The following TLCD4 variants were observed in gnomAD, a reference collection of about 807,000 sequenced individuals.
TLCD4 encodes the protein TLC domain containing 4.
In TLCD4, 7 loss-of-function variants were observed where a neutral mutation model predicts 24.2. That is an observed-to-expected ratio of 0.29 (90% confidence interval 0.16 to 0.54). The LOEUF is 0.54. Among genes scored for constraint, TLCD4 ranks in the 20% least tolerant of loss-of-function variants. The probability of loss-of-function intolerance (pLI) is 0.95; values close to 1 mark genes in which losing one functional copy is unlikely to be tolerated. For missense variants in TLCD4, 259 were observed against 313.9 expected, an observed-to-expected ratio of 0.82 and a Z score of 1.32; for synonymous variants, 103 against 106.4, an observed-to-expected ratio of 0.97 and a Z score of 0.20.
intron 1 of TLCD4, among the ~76,000 whole-genome samples, chr1:95,119,601 C>T (rs1407209566): frequency 1.3e-5 from 2 of 152,108 alleles, no homozygotes; most frequent in South Asian, 2.1e-4. Context: ...GTTTGATGGG[C>T]CCTTCTCCCT....
chr1:95,106,596 G>T, the TLCD4 span, among the ~76,000 whole-genome samples: 1 of 152,122 alleles, frequency 6.6e-6, no homozygotes, highest in African/African-American at 2.4e-5. Flanking sequence ...AGGAGGCTGA[G>T]GTGGAAGGAT....
At chr1:95,095,828 C>G in the TLCD4 span, among the ~76,000 whole-genome samples, 1 of 152,102 alleles carries the variant, frequency 6.6e-6, no homozygotes, top group Non-Finnish European at 1.5e-5. Flanking sequence ...ATATTCACAC[C>G]ACATGATATT....
intron 2 of TLCD4, among the ~76,000 whole-genome samples, 158 bp downstream of exon 2, chr1:95,144,214 C>CA (rs1001717676): frequency 7.9e-5 from 12 of 151,352 alleles, no homozygotes; most frequent in East Asian, 1.9e-4. Flanking sequence ...TGATCTCATG[C>CA]AAAAAAAAGT....
intron 1 of TLCD4, among the ~76,000 whole-genome samples, chr1:95,134,367 T>C (rs2100921101): frequency 6.6e-6 from 1 of 152,006 alleles, no homozygotes; most frequent in South Asian, 2.1e-4. Flanking sequence ...AAAAAGGATA[T>C]GGGTGTTTGC....
At chr1:95,151,021 T>A (rs1677478695) in intron 4 of TLCD4, among the ~76,000 whole-genome samples, 1 of 152,194 alleles carries the variant, frequency 6.6e-6, no homozygotes, top group Non-Finnish European at 1.5e-5. Context: ...TTAAAAATAA[T>A]GGCAAAAATC....
At chr1:95,153,105 C>T (rs1289372963) in intron 5 of TLCD4, among the ~76,000 whole-genome samples, 2 of 151,220 alleles carry the variant, frequency 1.3e-5, no homozygotes, top group African/African-American at 2.4e-5. Context: ...CTTGCTCTGT[C>T]ACCAGGCTGG....
At position 95,144,050 on chromosome 1, in the gene TLCD4, A is replaced by G. The variant is rs1420209310; in HGVS notation, c.149A>G (p.Asn50Ser). Residue 50 changes from asparagine to serine, a missense_variant, in exon 2 of 7, where the codon AAC becomes AGC. Asn to Ser is a conservative substitution (Grantham distance 46, BLOSUM62 1). Coordinates refer to ENST00000370203, the MANE Select transcript of TLCD4 (RefSeq NM_152487.3). ...AGCTTCAAAAAGAAGATTGAATGGA[A>G]CTCAAGGTAAAGCATATGAAAATGT... Reference protein sequence around the residue: ...SLSFKKKIEWNSRVVSTCHSL... With the variant: ...SLSFKKKIEWSSRVVSTCHSL... The G allele has an allele frequency of 3.9e-6, 6 of 1,519,790 alleles. No individual in the cohort carries two copies. The highest frequency in any genetic ancestry group is 3.5e-6 in the Non-Finnish European group (4 of 1,137,480). 94.1% of individuals were successfully genotyped at this position (1,519,790 alleles called of 1,614,324 possible). A position where few individuals can be genotyped will look rare whatever the true frequency, so the allele number is the denominator to read the frequency against.
the TLCD4 span, among the ~76,000 whole-genome samples, chr1:95,095,165 A>G: frequency 2.0e-5 from 3 of 152,220 alleles, no homozygotes; most frequent in African/African-American, 7.2e-5. Flanking sequence ...GGATCCAATC[A>G]TACTGTACCT....
chr1:95,099,860 G>A, the TLCD4 span, among the ~76,000 whole-genome samples: 2 of 151,368 alleles, frequency 1.3e-5, no homozygotes, highest in Non-Finnish European at 2.9e-5. Flanking sequence ...GGTCAGGTAC[G>A]GTGGCTCACG....
At chr1:95,104,956 A>G in the TLCD4 span, among the ~76,000 whole-genome samples, 2 of 152,116 alleles carry the variant, frequency 1.3e-5, no homozygotes, top group African/African-American at 4.8e-5. Context: ...CAGATGGTCA[A>G]GGCTGCCGTG....
intron 1 of TLCD4, among the ~76,000 whole-genome samples, chr1:95,141,141 T>C (rs1351639105): frequency 6.6e-6 from 1 of 152,200 alleles, no homozygotes; most frequent in African/African-American, 2.4e-5. Context: ...TCTAAACATA[T>C]ATCCCAAAGT....
At chr1:95,190,956 A>G (rs563401684) in intron 6 of TLCD4, among the ~76,000 whole-genome samples, 2 of 152,280 alleles carry the variant, frequency 1.3e-5, no homozygotes, top group South Asian at 4.1e-4. Context: ...TCTTTCGCAG[A>G]GCAAGTTTTA....
upstream of TLCD4, among the ~76,000 whole-genome samples, chr1:95,112,579 C>T (rs1676360973): frequency 6.6e-6 from 1 of 152,162 alleles, no homozygotes; most frequent in Non-Finnish European, 1.5e-5. Flanking sequence ...AGGCATTAGA[C>T]ATTTCAATGG....
intron 6 of TLCD4, among the ~76,000 whole-genome samples, chr1:95,183,456 C>T (rs1278198408): frequency 6.6e-5 from 10 of 151,962 alleles, no homozygotes; most frequent in African/African-American, 2.2e-4. Flanking sequence ...AGTGAGAGCT[C>T]GAGAGAGGAA....
chr1:95,105,581 G>C, the TLCD4 span, among the ~76,000 whole-genome samples: 10 of 152,124 alleles, frequency 6.6e-5, no homozygotes, highest in African/African-American at 2.4e-4. Flanking sequence ...ATTGGTGGCA[G>C]CAATAGAGAC....
chr1:95,147,030 G>A (rs190150889), intron 2 of TLCD4, among the ~76,000 whole-genome samples: 1 of 151,538 alleles, frequency 6.6e-6, no homozygotes, highest in East Asian at 1.9e-4. Flanking sequence ...AGAGTGGGCT[G>A]TATGACCATT....
intron 5 of TLCD4, among the ~76,000 whole-genome samples, chr1:95,153,406 A>G (rs1677543808): frequency 6.6e-6 from 1 of 152,156 alleles, no homozygotes; most frequent in African/African-American, 2.4e-5. Context: ...ATGTTATTAC[A>G]TTTTTAGAAA....
chr1:95,102,000 C>T, the TLCD4 span, among the ~76,000 whole-genome samples: 5 of 152,094 alleles, frequency 3.3e-5, no homozygotes, highest in African/African-American at 1.2e-4. Context: ...GACATTAACA[C>T]ATTTAGTTAA....
At chr1:95,185,660 A>T (rs555669563) in intron 6 of TLCD4, among the ~76,000 whole-genome samples, 1 of 152,200 alleles carries the variant, frequency 6.6e-6, no homozygotes, top group Non-Finnish European at 1.5e-5. Context: ...AATAGTACAT[A>T]TATTTTCTTT....
Sources: allele counts gnomAD v4.1 joint callset (sites outside exome capture counted in the v4.1 genomes callset), GRCh38; gene constraint gnomAD v4.1.1; transcripts MANE v1.5; gene names NCBI Gene and HGNC (gene_info 2026-07-23, HGNC 2026-07-21).